The following SLC25A33 variants were observed in gnomAD, a reference collection of about 807,000 sequenced individuals.
SLC25A33 encodes the protein bone marrow stromal cell mitochondrial carrier protein.
SLC25A33 carries 15 observed loss-of-function variants against 35.5 expected under a neutral mutation model. The observed-to-expected ratio is 0.42, with a 90% CI of 0.28 to 0.65. SLC25A33 has a LOEUF of 0.65. SLC25A33 is among the 30% of genes least tolerant of loss of function. The pLI is 0.20. For missense variants in SLC25A33, 257 were observed against 398.5 expected, an observed-to-expected ratio of 0.64 and a Z score of 3.02; for synonymous variants, 136 against 148.7, an observed-to-expected ratio of 0.91 and a Z score of 0.62.
chr1:9,557,284 CGTTA>C (rs1305422163), intron 2 of SLC25A33, among the ~76,000 whole-genome samples: 2 of 152,116 alleles, frequency 1.3e-5, no homozygotes, highest in Non-Finnish European at 2.9e-5. Flanking sequence ...TAAACAATGG[CGTTA>C]GTAAGTAAAA....
At chr1:9,579,137 C>T (rs956100794) in intron 5 of SLC25A33, among the ~76,000 whole-genome samples, 2 of 152,176 alleles carry the variant, frequency 1.3e-5, no homozygotes, top group Non-Finnish European at 2.9e-5. Context: ...CATGTTTTTC[C>T]TCCACTGTCA....
intron 3 of SLC25A33, among the ~76,000 whole-genome samples, chr1:9,568,480 C>T (rs116433914): frequency 0.015 from 2,313 of 152,102 alleles, 23 homozygotes; most frequent in Non-Finnish European, 0.023. Context: ...AAAACTTCTT[C>T]CAGAAAGGAC....
At chr1:9,561,377 T>C (rs1643422363) in intron 2 of SLC25A33, among the ~76,000 whole-genome samples, 1 of 152,164 alleles carries the variant, frequency 6.6e-6, no homozygotes, top group African/African-American at 2.4e-5. Context: ...TATTATGATA[T>C]AAAACAGTGA....
chr1:9,574,841 A>G (rs1643638395), intron 5 of SLC25A33, among the ~76,000 whole-genome samples: 1 of 152,172 alleles, frequency 6.6e-6, no homozygotes, highest in African/African-American at 2.4e-5. Context: ...AACTTCAACT[A>G]TTGGATTTCG....
Position 9,578,413 on chromosome 1 carries a change from A to G in SLC25A33, c.483-1541A>G, listed in dbSNP as rs1643694119. On this transcript the variant is annotated intron_variant, in intron 5 of 6. Transcript: ENST00000302692. This position sits in a 1 kb window ranked among gnomAD's most constrained non-coding sequence, Gnocchi z 4.3. ...GTGTGACCGGTGCACACCTAACTAC[A>G]CTCATCTGGTGGCTCACTCTTGCCT... Among the ~76,000 whole-genome samples the G allele has an allele frequency of 6.6e-6, 1 of 152,062 alleles. No homozygotes were observed. The highest frequency in any genetic ancestry group is 2.1e-4 in the South Asian group (1 of 4,824).
At chr1:9,563,721 T>C (rs77912902) in intron 2 of SLC25A33, among the ~76,000 whole-genome samples, 1 of 152,150 alleles carries the variant, frequency 6.6e-6, no homozygotes, top group Non-Finnish European at 1.5e-5. Context: ...TTTTTTTTTT[T>C]CCTTTCTGAG....
chr1:9,567,242 T>C (rs1219998749), intron 2 of SLC25A33, 42 bp from the exon 3 acceptor site: 1 of 1,547,582 alleles, frequency 6.5e-7, no homozygotes, highest in Non-Finnish European at 8.9e-7. Flanking sequence ...TAATAGGCCT[T>C]GCCTGAGGGG....
chr1:9,559,604 G>A (rs1418649765), intron 2 of SLC25A33, among the ~76,000 whole-genome samples: 2 of 151,930 alleles, frequency 1.3e-5, no homozygotes, highest in African/African-American at 4.8e-5. Context: ...ATACTCTTCG[G>A]GGGAAATTTG....
chr1:9,573,765 G>A (rs1227281078), intron 5 of SLC25A33, among the ~76,000 whole-genome samples: 1 of 152,090 alleles, frequency 6.6e-6, no homozygotes, highest in Non-Finnish European at 1.5e-5. Context: ...TTTCAAAAGG[G>A]AAGACAGTAC....
At chr1:9,549,683 C>T (rs1170073108) in intron 1 of SLC25A33, among the ~76,000 whole-genome samples, 11 of 148,054 alleles carry the variant, frequency 7.4e-5, no homozygotes, top group South Asian at 4.2e-4. Context: ...TGCAGTTATG[C>T]GAGATCGGCT....
intron 2 of SLC25A33, among the ~76,000 whole-genome samples, chr1:9,557,528 A>T (rs916363089): frequency 6.6e-6 from 1 of 151,814 alleles, no homozygotes; most frequent in Non-Finnish European, 1.5e-5. Flanking sequence ...GCGAAATCCC[A>T]TCTCTACAAA....
At chr1:9,577,545 G>A (rs1471733776) in intron 5 of SLC25A33, among the ~76,000 whole-genome samples, 1 of 152,168 alleles carries the variant, frequency 6.6e-6, no homozygotes, top group African/African-American at 2.4e-5. Context: ...AAGACAGGGA[G>A]TGTAGTTGGC....
intron 2 of SLC25A33, among the ~76,000 whole-genome samples, chr1:9,557,510 G>A (rs1043392731): frequency 6.6e-6 from 1 of 152,044 alleles, no homozygotes; most frequent in Non-Finnish European, 1.5e-5. Flanking sequence ...ACCAGCCTGG[G>A]CAATGTGGCG....
intron 1 of SLC25A33, among the ~76,000 whole-genome samples, chr1:9,543,269 G>C (rs947662034): frequency 9.9e-5 from 15 of 151,436 alleles, no homozygotes; most frequent in African/African-American, 3.4e-4. Flanking sequence ...TCAGCCTCCT[G>C]AGTAGCTGGG....
chr1:9,565,859 C>CA (rs1643495013), intron 2 of SLC25A33, among the ~76,000 whole-genome samples: 1 of 146,150 alleles, frequency 6.8e-6, no homozygotes, highest in Admixed American at 6.9e-5. Context: ...GCCTGGGTGA[C>CA]AGAGTGAGAC....
At chr1:9,577,129 C>G in intron 5 of SLC25A33, 1 of 482,232 alleles carries the variant, frequency 2.1e-6, no homozygotes, top group Non-Finnish European at 3.7e-6. Flanking sequence ...GTCTTTTGGG[C>G]AGAGAGAAGG....
rs1643759567 is a variant in SLC25A33, at chr1:9,582,455, C to T, written c.920C>T (p.Ser307Phe). The T allele has an allele frequency of 6.2e-7, 1 of 1,613,866 alleles. No homozygotes were observed. Among genetic ancestry groups the T allele is most frequent in the Non-Finnish European group, 8.5e-7 (1 of 1,179,842 alleles). Residue 307 changes from serine (S) to phenylalanine (F), a missense_variant, in exon 7 of 7, where the codon TCT becomes TTT. Transcript: ENST00000302692. The surrounding 1 kb of genome is among the most constrained non-coding windows in gnomAD (Gnocchi z 4.0). ...ATCCCAAATACTGCCATTGTGTTGT[C>T]TACTTATGAGTTAATTGTGTACCTG... The part of the protein sequence containing the change: ...RQIPNTAIVL[S>F]TYELIVYLLE...
intron 4 of SLC25A33, 41 bp downstream of exon 4, chr1:9,570,399 C>T (rs758978687): frequency 9.9e-6 from 15 of 1,522,736 alleles, no homozygotes; most frequent in South Asian, 2.3e-5. Flanking sequence ...CTCTCTCTCA[C>T]TTTTCTAAAG....
At chr1:9,558,227 C>A (rs948011264) in intron 2 of SLC25A33, among the ~76,000 whole-genome samples, 1 of 152,234 alleles carries the variant, frequency 6.6e-6, no homozygotes, top group Non-Finnish European at 1.5e-5. Context: ...CAAGGCTGAG[C>A]CTCTGCTGCT....
Sources: gnomAD v4.1 joint callset for allele counts (sites outside exome capture counted in the v4.1 genomes callset) on GRCh38, gnomAD v4.1.1 for gene constraint, Gnocchi (gnomAD v3.1) non-coding constraint, MANE v1.5 for transcripts, NCBI Gene and HGNC (gene_info 2026-07-23, HGNC 2026-07-21) for gene names.